The following AR variants were observed in gnomAD, a reference collection of about 807,000 sequenced individuals.
AR encodes dihydrotestosterone receptor.
A neutral mutation model predicts 53.9 loss-of-function variants in AR; 8 were observed. The ratio of observed to expected loss-of-function variants is 0.15; its 90% confidence interval spans 0.09 to 0.27. AR has a LOEUF of 0.27. AR is among the 10% of genes least tolerant of loss of function. The pLI, the probability that AR is intolerant of heterozygous loss-of-function variation, is 1.00. For missense variants in AR, 639 were observed against 742.5 expected (o/e 0.86, Z 1.62); for synonymous variants, 359 against 316.4 (o/e 1.13, Z -1.43).
At position 67,546,397 on chromosome X, in the gene AR, G is replaced by C. The variant is rs1220873285; in HGVS notation, c.1251G>C (p.Ala417=). 8.4e-7 allele frequency: 1 copy of C among 1,184,585 alleles called. No individual in the cohort carries two copies. The highest frequency in any genetic ancestry group is 1.1e-6 in the Non-Finnish European group (1 of 882,599). ...RYGDLASLHG[A]GAAGPGSGSP... ...GGGACCTGGCGAGCCTGCATGGCGC[G>C]GGTGCAGCGGGACCCGGTTCTGGGT... Residue 417 remains alanine (A), a synonymous_variant, in exon 1 of 8, where the codon GCG becomes GCC. Transcript: ENST00000374690.
chrX:67,604,302 G>A (rs1454973234), intron 1 of AR, among the ~76,000 whole-genome samples: 1 of 106,272 alleles, frequency 9.4e-6, no homozygotes, highest in East Asian at 3.0e-4. Flanking sequence ...CACTGCAGTG[G>A]GGTCTGCAAG....
At chrX:67,572,673 T>C (rs751796081) in intron 1 of AR, among the ~76,000 whole-genome samples, 36 of 111,517 alleles carry the variant, frequency 3.2e-4, no homozygotes, top group Non-Finnish European at 6.2e-4. Context: ...TTTTCTGTTT[T>C]ACTGGTATGA....
rs748879007 is a variant in AR, at chrX:67,728,883, G to A, written c.*5042G>A. ...TACTAGTTCAAGACAGATGAATGTG[G>A]AAAGCATAAAAACTCAATGGAACTG... On this transcript the variant is annotated 3_prime_UTR_variant, in exon 8 of 8. Transcript: ENST00000374690. The A allele has an allele frequency of 2.4e-5, 4 of 169,951 alleles. No individual in the cohort carries two copies. The highest frequency in any genetic ancestry group is 8.0e-5 in the Admixed American group (1 of 12,467). The allele number at this position is 169,951 out of a possible 1,213,427, so 14.0% of individuals were successfully genotyped here. A position where few individuals can be genotyped will look rare whatever the true frequency, so the allele number is the denominator to read the frequency against.
At chrX:67,661,667 C>G (rs1926925922) in intron 2 of AR, among the ~76,000 whole-genome samples, 1 of 111,162 alleles carries the variant, frequency 9.0e-6, no homozygotes, top group East Asian at 2.8e-4. Flanking sequence ...TTTGTTGTGT[C>G]TCTGCCTGGC....
chrX:67,717,439 TACCCAG>T, intron 4 of AR, 33 bp from the exon 5 acceptor site: 1 of 1,209,759 alleles, frequency 8.3e-7, no homozygotes, highest in Non-Finnish European at 1.1e-6. Flanking sequence ...AACCCGTCAG[TACCCAG>T]ACTGACCACT....
chrX:67,632,728 A>G (rs183016725), intron 1 of AR, among the ~76,000 whole-genome samples: 1 of 112,684 alleles, frequency 8.9e-6, no homozygotes, highest in African/African-American at 3.2e-5. Context: ...TGATACCATC[A>G]AGAAAGTGAA....
intron 1 of AR, among the ~76,000 whole-genome samples, chrX:67,550,275 A>G (rs183080926): frequency 3.6e-5 from 4 of 112,074 alleles, no homozygotes; most frequent in Admixed American, 9.4e-5. Flanking sequence ...TACTAATTTT[A>G]TCTCATCAAG....
intron 1 of AR, among the ~76,000 whole-genome samples, chrX:67,633,458 G>A (rs944281576): frequency 8.9e-5 from 10 of 111,942 alleles, no homozygotes; most frequent in African/African-American, 3.2e-4. Context: ...TGCTGCAAAG[G>A]ACATGATCTC....
intron 1 of AR, among the ~76,000 whole-genome samples, chrX:67,600,292 G>A (rs1388664710): frequency 1.8e-5 from 2 of 110,985 alleles, no homozygotes; most frequent in Non-Finnish European, 3.8e-5. Context: ...ACTAAAAACA[G>A]AGCTCCATCA....
intron 2 of AR, among the ~76,000 whole-genome samples, chrX:67,683,482 T>C (rs1336932319): frequency 8.9e-6 from 1 of 111,982 alleles, no homozygotes; most frequent in Non-Finnish European, 1.9e-5. Flanking sequence ...TTTTAATGAC[T>C]TTCCAGTCCA....
chrX:67,705,837 TGA>T (rs2076064403), intron 3 of AR, among the ~76,000 whole-genome samples: 2 of 111,743 alleles, frequency 1.8e-5, no homozygotes, highest in Admixed American at 9.5e-5. Context: ...CCTAATTTAT[TGA>T]GAGTTTTTAG....
rs1178695446 is a variant in AR at position 67,546,573 on chromosome X, G to A, written c.1427G>A (p.Gly476Glu). 1.3e-5 allele frequency: 13 copies of A among 1,034,926 alleles called. No homozygotes were observed. Among genetic ancestry groups the A allele is most frequent in the Non-Finnish European group, 1.1e-5 (9 of 800,873 alleles). 85.3% of individuals were successfully genotyped at this position (1,034,926 alleles called of 1,213,427 possible). A position where few individuals can be genotyped will look rare whatever the true frequency, so the allele number is the denominator to read the frequency against. ...GGCGGCGGCGGCGGCGGCGAGGCGG[G>A]AGCTGTAGCCCCCTACGGCTACACT... ...GGGGGGGGEA[G>E]AVAPYGYTRP... Residue 476 changes from glycine (G) to glutamate (E), a missense_variant, in exon 1 of 8, where the codon GGA becomes GAA. Transcript: ENST00000374690.
intron 2 of AR, among the ~76,000 whole-genome samples, chrX:67,674,726 C>T (rs757056825): frequency 2.7e-5 from 3 of 111,201 alleles, no homozygotes; most frequent in Admixed American, 9.5e-5. Flanking sequence ...AGGGCAGGTC[C>T]GGAAATACTA....
intron 3 of AR, among the ~76,000 whole-genome samples, chrX:67,707,057 T>C (rs146520165): frequency 2.6e-3 from 288 of 111,940 alleles, no homozygotes; most frequent in African/African-American, 8.9e-3. Context: ...TGAGGAGTGT[T>C]TTACTTCCAA....
chrX:67,582,290 C>T (rs1172317658), intron 1 of AR, among the ~76,000 whole-genome samples: 3 of 111,622 alleles, frequency 2.7e-5, no homozygotes, highest in African/African-American at 9.8e-5. Flanking sequence ...TGTCTTTGCC[C>T]CTTTTGACTG....
intron 3 of AR, among the ~76,000 whole-genome samples, chrX:67,689,958 C>T (rs925033229): frequency 1.8e-5 from 2 of 111,795 alleles, no homozygotes; most frequent in Non-Finnish European, 3.8e-5. Context: ...CTGACCCTTT[C>T]CTCCTTCCCA....
intron 1 of AR, among the ~76,000 whole-genome samples, chrX:67,586,760 G>T (rs1012300797): frequency 8.9e-6 from 1 of 111,995 alleles, no homozygotes; most frequent in Non-Finnish European, 1.9e-5. Context: ...TGTATGTTGA[G>T]TTCAGTGTAA....
intron 2 of AR, among the ~76,000 whole-genome samples, chrX:67,649,310 T>C (rs981386168): frequency 3.7e-4 from 42 of 112,341 alleles, no homozygotes; most frequent in African/African-American, 1.4e-3. Context: ...GTCTGTGCTA[T>C]TGTGAATAGT....
chrX:67,666,454 A>G (rs971375480), intron 2 of AR, among the ~76,000 whole-genome samples: 2 of 111,777 alleles, frequency 1.8e-5, no homozygotes, highest in Non-Finnish European at 3.8e-5. Flanking sequence ...TTCTTCATCC[A>G]TTTGTCTGTT....
Sources: allele counts gnomAD v4.1 joint callset (sites outside exome capture counted in the v4.1 genomes callset), GRCh38; gene constraint gnomAD v4.1.1; transcripts MANE v1.5; gene names NCBI Gene and HGNC (gene_info 2026-07-23, HGNC 2026-07-21).